RIN2: variants seen among roughly 807,000 people sequenced by gnomAD.
The protein encoded by RIN2 is RAB5 interacting protein 2.
RIN2 carries 36 observed loss-of-function variants against 78.0 expected under a neutral mutation model. The ratio of observed to expected loss-of-function variants is 0.46; its 90% CI spans 0.35 to 0.61. The LOEUF is 0.61. RIN2 is among the 20% of genes least tolerant of loss of function. The probability of loss-of-function intolerance (pLI) is 0.00; values close to 1 mark genes in which losing one functional copy is unlikely to be tolerated. For missense variants in RIN2, 1,087 were observed against 1,159.7 expected (o/e 0.94, Z 0.91); for synonymous variants, 466 against 466.8 (o/e 1.00, Z 0.02).
chr20:19,829,333 T>A (rs1172367106), intron 2 of RIN2, among the ~76,000 whole-genome samples: 1 of 151,832 alleles, frequency 6.6e-6, no homozygotes, highest in Non-Finnish European at 1.5e-5. Flanking sequence ...TTTGGGGGCA[T>A]GATAGGAGAT....
chr20:19,850,486 T>G (rs761349607), intron 2 of RIN2, among the ~76,000 whole-genome samples: 1 of 152,210 alleles, frequency 6.6e-6, no homozygotes, highest in Non-Finnish European at 1.5e-5. Context: ...TTGGCCACTA[T>G]TGTCTTCTTA....
intron 1 of RIN2, among the ~76,000 whole-genome samples, chr20:19,777,217 A>T (rs1434293337): frequency 2.0e-5 from 3 of 152,218 alleles, no homozygotes; most frequent in Admixed American, 6.5e-5. Context: ...GGAAGGGCAC[A>T]GGTGGAACCC....
At chr20:19,920,627 T>C (rs921233932) in intron 3 of RIN2, among the ~76,000 whole-genome samples, 12 of 152,246 alleles carry the variant, frequency 7.9e-5, no homozygotes, top group Admixed American at 2.6e-4. Flanking sequence ...TTGAAGGTTA[T>C]ATCAGAGTGT....
At chr20:19,934,179 C>T (rs886665990) in intron 3 of RIN2, among the ~76,000 whole-genome samples, 6 of 152,068 alleles carry the variant, frequency 3.9e-5, no homozygotes, top group African/African-American at 1.2e-4. Flanking sequence ...TAAATAGTTG[C>T]CATCTTAGAA....
intron 4 of RIN2, among the ~76,000 whole-genome samples, chr20:19,951,766 A>G (rs6112680): frequency 0.092 from 13,949 of 152,256 alleles, 841 homozygotes; most frequent in East Asian, 0.31. Flanking sequence ...TCACATGCCC[A>G]GCTGAGCTAG....
intron 12 of RIN2, among the ~76,000 whole-genome samples, chr20:19,998,623 A>T (rs1171650078): frequency 6.6e-6 from 1 of 152,084 alleles, no homozygotes; most frequent in African/African-American, 2.4e-5. Context: ...AAACAAACAA[A>T]CAAAAAGGCA....
intron 2 of RIN2, among the ~76,000 whole-genome samples, chr20:19,883,489 ACCAC>A (rs2038089512): frequency 6.6e-6 from 1 of 151,952 alleles, no homozygotes; most frequent in African/African-American, 2.4e-5. Flanking sequence ...CTAGGCACTC[ACCAC>A]CATGCCTGGC....
intron 2 of RIN2, among the ~76,000 whole-genome samples, chr20:19,853,152 G>C (rs1316469243): frequency 6.6e-6 from 1 of 151,234 alleles, no homozygotes; most frequent in Non-Finnish European, 1.5e-5. Flanking sequence ...TTGTCCTTGC[G>C]ATAGTTTGCT....
chr20:19,956,274 A>G lies in RIN2; in HGVS notation c.159-341A>G, dbSNP rs560205282. On this transcript the variant is annotated intron_variant, in intron 4 of 12. Coordinates refer to ENST00000255006, the MANE Select transcript of RIN2 (RefSeq NM_018993.4). ...CTCCATCTCAAAAAAAAAAAAAAAA[A>G]AAAGAAAAGAAAAAGAAAAAAAGAA... Among the ~76,000 whole-genome samples the G allele has an allele frequency of 4.1e-3, 620 of 151,210 alleles. 6 individuals carry two copies. The highest frequency in any genetic ancestry group is 0.014 in the Middle Eastern group (4 of 292).
At chr20:19,934,557 C>T (rs1421720534) in intron 3 of RIN2, 3 of 984,730 alleles carry the variant, frequency 3.0e-6, no homozygotes, top group Middle Eastern at 5.2e-4. Context: ...CCCCAACAAT[C>T]TTCTCTCCAC....
At chr20:19,792,389 T>TA (rs2034916379) in intron 1 of RIN2, among the ~76,000 whole-genome samples, 2 of 152,192 alleles carry the variant, frequency 1.3e-5, no homozygotes, top group African/African-American at 4.8e-5. Context: ...CTCGTGAACA[T>TA]TTAAACAAGA....
At chr20:19,952,417 G>A (rs1249726508) in intron 4 of RIN2, among the ~76,000 whole-genome samples, 1 of 152,192 alleles carries the variant, frequency 6.6e-6, no homozygotes, top group African/African-American at 2.4e-5. Flanking sequence ...TTTCCTGAAG[G>A]TTGTTCCTGA....
chr20:19,829,951 C>T (rs968183775), intron 2 of RIN2, among the ~76,000 whole-genome samples: 1 of 152,220 alleles, frequency 6.6e-6, no homozygotes, highest in Non-Finnish European at 1.5e-5. Context: ...ATCTAAATCA[C>T]GTAGCCATAT....
chr20:19,863,129 A>AT (rs1301652087), intron 2 of RIN2, among the ~76,000 whole-genome samples: 2 of 152,210 alleles, frequency 1.3e-5, no homozygotes, highest in Non-Finnish European at 2.9e-5. Context: ...GAGGAACAGC[A>AT]TGTGTGTGCA....
intron 2 of RIN2, chr20:19,886,847 C>T (rs2038220354): frequency 2.2e-6 from 2 of 927,438 alleles, no homozygotes; most frequent in East Asian, 2.7e-5. Flanking sequence ...GCTGGGGTGA[C>T]ATCTGTGGGG....
chr20:19,823,295 TG>T (rs1365297885), intron 2 of RIN2: 32 of 582,784 alleles, frequency 5.5e-5, no homozygotes, highest in Non-Finnish European at 9.4e-5. Context: ...CCCTGGAATC[TG>T]GGGACTGAAT....
chr20:19,892,940 C>T (rs2038546667), intron 3 of RIN2, among the ~76,000 whole-genome samples: 1 of 152,166 alleles, frequency 6.6e-6, no homozygotes, highest in Non-Finnish European at 1.5e-5. Flanking sequence ...TATTAAGCGC[C>T]CATGAGCAGC....
At position 19,973,793 on chromosome 20, in the gene RIN2, G is replaced by GA. The variant is rs74558708; in HGVS notation, c.629-849dup. Among the ~76,000 whole-genome samples, 518 of 141,262 alleles carry GA rather than the reference G, an allele frequency of 3.7e-3. 6 individuals are homozygous for GA. The highest frequency in any genetic ancestry group is 0.016 in the South Asian group (69 of 4,418). The allele number at this position is 141,262 out of a possible 152,430, so 92.7% of individuals were successfully genotyped here. On this transcript the variant is annotated intron_variant, in intron 8 of 12. Transcript: ENST00000255006. ...GACAGAGCAAGACTCCGTCTCAAGG[G>GA]AAAAAAAAAAAAGAATAACCTATCC...
intron 1 of RIN2, among the ~76,000 whole-genome samples, chr20:19,764,941 T>TTTTTTTTTC (rs2033820075): frequency 7.2e-6 from 1 of 138,306 alleles, no homozygotes; most frequent in Non-Finnish European, 1.6e-5. Context: ...TTTTTTTTTT[T>TTTTTTTTTC]TTGACAGAGT....
Sources: gnomAD v4.1 joint callset for allele counts (sites outside exome capture counted in the v4.1 genomes callset) on GRCh38, gnomAD v4.1.1 for gene constraint, MANE v1.5 for transcripts, NCBI Gene and HGNC (gene_info 2026-07-23, HGNC 2026-07-21) for gene names.